KIRREL1: variants seen among roughly 807,000 people sequenced by gnomAD.
KIRREL1 encodes the protein kirre like nephrin family adhesion molecule 1, also known as kin of IRRE-like protein 1.
KIRREL1 carries 25 observed loss-of-function variants against 83.3 expected under a neutral mutation model. The ratio of observed to expected loss-of-function variants is 0.30; its 90% CI spans 0.22 to 0.42. The LOEUF is 0.42. Among genes scored for constraint, KIRREL1 ranks in the 10% least tolerant of loss-of-function variants. The probability of loss-of-function intolerance (pLI) is 1.00; values close to 1 mark genes in which losing one functional copy is unlikely to be tolerated. For synonymous variants in KIRREL1, 388 were observed against 410.4 expected (o/e 0.95, Z 0.66); for missense variants, 812 against 1,032.3 (o/e 0.79, Z 2.92).
intron 1 of KIRREL1, 44 bp from the exon 2 acceptor site, chr1:158,076,069 C>T: frequency 6.3e-7 from 1 of 1,582,878 alleles, no homozygotes; most frequent in Middle Eastern, 1.8e-4. Context: ...TAGAGGAGCC[C>T]CTCTCCTTAC....
chr1:158,048,859 A>C (rs1473563691), intron 1 of KIRREL1, among the ~76,000 whole-genome samples: 2 of 152,192 alleles, frequency 1.3e-5, no homozygotes. Flanking sequence ...TAAAGTATTT[A>C]AAGTGTTTGA....
intron 1 of KIRREL1, among the ~76,000 whole-genome samples, chr1:158,015,076 C>T (rs1659792665): frequency 6.6e-6 from 1 of 152,028 alleles, no homozygotes; most frequent in Admixed American, 6.6e-5. Flanking sequence ...TGCCAAAGTA[C>T]TCTTTTGTTT....
chr1:158,076,057 C>CT (rs1661672083), intron 1 of KIRREL1, 56 bp from the exon 2 acceptor site: 1 of 1,536,414 alleles, frequency 6.5e-7, no homozygotes. Flanking sequence ...AGGGGGACCT[C>CT]TTAGAGGAGC....
intron 1 of KIRREL1, among the ~76,000 whole-genome samples, chr1:158,052,636 A>T (rs75593005): frequency 1.3e-5 from 2 of 151,814 alleles, no homozygotes; most frequent in African/African-American, 4.8e-5. Context: ...AAAAAAAAAA[A>T]ATAGCCGGGC....
rs547147422 is a variant in KIRREL1 at position 158,000,585 on chromosome 1, G to C, written c.52+6857G>C. Among the ~76,000 whole-genome samples, 6 of 152,282 alleles carry C rather than the reference G, an allele frequency of 3.9e-5. No individual in the cohort carries two copies. The East Asian group carries it at 7.7e-4, about 20-fold the overall frequency. ...TCTTGGAGCATCCAGGATAAAAGCTGCTGTAGCTCGCAGACATCACTGAAG... is the reference window on the plus strand; with the variant it reads ...TCTTGGAGCATCCAGGATAAAAGCTCCTGTAGCTCGCAGACATCACTGAAG... On this transcript the variant is annotated intron_variant, in intron 1 of 14. Transcript: ENST00000359209.
At chr1:158,022,723 A>G (rs1035994741) in intron 1 of KIRREL1, among the ~76,000 whole-genome samples, 5 of 152,224 alleles carry the variant, frequency 3.3e-5, no homozygotes, top group African/African-American at 1.2e-4. Context: ...AGATTGCATA[A>G]TAACTTAATC....
chr1:157,993,885 G>C (rs1366420259), intron 1 of KIRREL1, among the ~76,000 whole-genome samples, 157 bp downstream of exon 1: 4 of 152,198 alleles, frequency 2.6e-5, no homozygotes, highest in African/African-American at 9.6e-5. Context: ...CAGAGCCCTG[G>C]GGGAGGGGGC....
Position 158,094,757 on chromosome 1 carries a change from C to T in KIRREL1, c.1911C>T (p.Pro637=). ...APGPARFDGR[P]SSRLSHSSGY... ...GCCCTGCCCGCTTCGACGGCCGCCC[C>T]TCATCCCGTCTCTCCCACTCCAGCG... Residue 637 remains proline (P), a synonymous_variant, in exon 15 of 15, where the codon CCC becomes CCT. Transcript: ENST00000359209. The surrounding 1 kb of genome is among the most constrained non-coding windows in gnomAD (Gnocchi z 4.6). The T allele has an allele frequency of 1.9e-6, 3 of 1,613,956 alleles. No homozygotes were observed. Among genetic ancestry groups the T allele is most frequent in the Non-Finnish European group, 1.7e-6 (2 of 1,180,006 alleles).
At chr1:158,093,512 C>T (rs112646450) in intron 12 of KIRREL1, 66 bp downstream of exon 12, 1 of 1,601,544 alleles carries the variant, frequency 6.2e-7, no homozygotes, top group African/African-American at 1.3e-5. Flanking sequence ...ACAGGCAGTG[C>T]TTGGGGTGGA....
In KIRREL1 at chr1:158,099,153, CCAGGCCACTGCTTGGTGCCTCTA is replaced by C. The variant is rs993318957; in HGVS notation, c.*4044_*4066del. The stretch of plus-strand genomic sequence containing the variant: ...CCAAGTTAGTGCTGTCTGACCTGAG[CCAGGCCACTGCTTGGTGCCTCTA>C]CAGGCCACTGTGCATGTTGAGAATT... On this transcript the variant is annotated 3_prime_UTR_variant, in exon 15 of 15. Coordinates refer to ENST00000359209, the MANE Select transcript of KIRREL1 (RefSeq NM_018240.7). The C allele has an allele frequency of 1.3e-5, 2 of 152,226 alleles. No individual in the cohort carries two copies. The highest frequency in any genetic ancestry group is 4.8e-5 in the African/African-American group (2 of 41,442). The allele number at this position is 152,226 out of a possible 1,614,324, so 9.4% of individuals were successfully genotyped here.
chr1:158,099,410 G>A lies in KIRREL1; in HGVS notation c.*4290G>A, dbSNP rs983205106. The A allele has an allele frequency of 2.0e-5, 3 of 152,194 alleles. No homozygotes were observed. Among genetic ancestry groups the A allele is most frequent in the African/African-American group, 4.8e-5 (2 of 41,416 alleles). 9.4% of individuals were successfully genotyped at this position (152,194 alleles called of 1,614,324 possible). On this transcript the variant is annotated 3_prime_UTR_variant, in exon 15 of 15. Transcript: ENST00000359209. ...CTCAAGGCCAGGCTTTTTGTGAAAG[G>A]CATTGGCTCATCTTTGTCAGCGTGG...
At chr1:158,024,345 C>A (rs6427415) in intron 1 of KIRREL1, among the ~76,000 whole-genome samples, 115,486 of 144,738 alleles carry the variant, frequency 0.8, 47,324 homozygotes, top group Non-Finnish European at 0.89. Flanking sequence ...GTGGTGCGAT[C>A]TCTGCTCACT....
intron 1 of KIRREL1, among the ~76,000 whole-genome samples, chr1:158,020,687 AT>A (rs1334149946): frequency 1.3e-5 from 2 of 151,734 alleles, no homozygotes; most frequent in East Asian, 3.9e-4. Flanking sequence ...CCTATAATTA[AT>A]GTTTAACTCA....
intron 1 of KIRREL1, among the ~76,000 whole-genome samples, chr1:158,037,857 A>G (rs1660518832): frequency 6.6e-6 from 1 of 152,178 alleles, no homozygotes; most frequent in Non-Finnish European, 1.5e-5. Flanking sequence ...TTTCCTCCCC[A>G]GATTCCTTAC....
chr1:158,067,073 C>T (rs950175848), intron 1 of KIRREL1, among the ~76,000 whole-genome samples: 2 of 152,108 alleles, frequency 1.3e-5, no homozygotes, highest in African/African-American at 2.4e-5. Context: ...CTAGGTCTGG[C>T]GCAGGTGCCC....
At chr1:158,011,269 C>T (rs1206838048) in intron 1 of KIRREL1, among the ~76,000 whole-genome samples, 2 of 152,206 alleles carry the variant, frequency 1.3e-5, no homozygotes, top group African/African-American at 4.8e-5. Context: ...TCCCCAAGGC[C>T]CTGGATTATG....
chr1:158,052,406 C>T (rs185806081), intron 1 of KIRREL1, among the ~76,000 whole-genome samples: 8 of 152,278 alleles, frequency 5.3e-5, no homozygotes, highest in African/African-American at 1.9e-4. Flanking sequence ...ACCAAGCTTC[C>T]TTACTTTTAT....
At chr1:158,077,644 A>G (rs900831673) in intron 2 of KIRREL1, among the ~76,000 whole-genome samples, 1 of 152,064 alleles carries the variant, frequency 6.6e-6, no homozygotes, top group East Asian at 1.9e-4. Flanking sequence ...TGGCGCCCAC[A>G]CACTCGCTCT....
chr1:158,063,603 CTGTT>C (rs758634636), intron 1 of KIRREL1, among the ~76,000 whole-genome samples: 68 of 152,360 alleles, frequency 4.5e-4, no homozygotes, highest in Non-Finnish European at 7.3e-4. Flanking sequence ...ATCAAGCACA[CTGTT>C]TGGCTTCCAG....
Sources: gnomAD v4.1 joint callset for allele counts (sites outside exome capture counted in the v4.1 genomes callset) on GRCh38, gnomAD v4.1.1 for gene constraint, Gnocchi (gnomAD v3.1) non-coding constraint, MANE v1.5 for transcripts, NCBI Gene and HGNC (gene_info 2026-07-23, HGNC 2026-07-21) for gene names.